Variants in LIMS2 observed in about 807,000 individuals in gnomAD.
The protein encoded by LIMS2 is LIM zinc finger domain containing 2.
Under a neutral mutation model 45.3 loss-of-function variants are expected in LIMS2, and 30 were observed. The ratio of observed to expected loss-of-function variants is 0.66; its 90% CI spans 0.50 to 0.90. The LOEUF (loss-of-function observed/expected upper bound fraction) is 0.90. LIMS2 is among the 40% of genes least tolerant of loss of function. LIMS2 has a pLI of 0.00. For missense variants in LIMS2, 485 were observed against 468.7 expected, an observed-to-expected ratio of 1.03 and a Z score of -0.32; for synonymous variants, 173 against 188.0, an observed-to-expected ratio of 0.92 and a Z score of 0.65.
intron 4 of LIMS2, chr2:127,652,088 C>A: frequency 2.9e-6 from 1 of 342,766 alleles, no homozygotes; most frequent in East Asian, 5.6e-5. Context: ...CTCCTTCCCG[C>A]TACAGAATCG....
At chr2:127,640,606 C>T (rs1286240869) in intron 7 of LIMS2, 1 of 599,056 alleles carries the variant, frequency 1.7e-6, no homozygotes, top group African/African-American at 1.9e-5. Flanking sequence ...CACCAGCGCC[C>T]CCTGCCTTCT....
Position 127,642,183 on chromosome 2 carries a change from C to T in LIMS2, c.526G>A (p.Glu176Lys), listed in dbSNP as rs759040020. Residue 176 changes from glutamate to lysine, a missense_variant, in exon 6 of 10, where the codon GAG becomes AAG. Coordinates refer to ENST00000355119, the MANE Select transcript of LIMS2 (RefSeq NM_001161403.3). The surrounding 1 kb of genome is among the most constrained non-coding windows in gnomAD (Gnocchi z 5.3). ...CTHCGKELTAEARELKGELYC... is the reference protein window; with the variant it reads ...CTHCGKELTAKARELKGELYC... ...AGCTCACCCTTCAGCTCGCGGGCCT[C>T]GGCTGTCAGCTCCTTCCTGGAAGAC... The T allele has an allele frequency of 1.4e-5, 22 of 1,564,096 alleles. No homozygotes were observed. In the East Asian group the frequency reaches 1.6e-4, roughly 12 times the overall value.
intron 1 of LIMS2, among the ~76,000 whole-genome samples, chr2:127,659,118 G>A (rs543962248): frequency 6.6e-6 from 1 of 152,188 alleles, no homozygotes; most frequent in South Asian, 2.1e-4. Flanking sequence ...ACAGGAGGCT[G>A]CTGCGAAATG....
chr2:127,642,034 A>G lies in LIMS2; in HGVS notation c.660+15T>C. ...CCCCCCAACCTGAGGCCACGTGTCC[A>G]CCAGCCTGGCTCACCTCCACGTGCC... On this transcript the variant is annotated intron_variant, in intron 6 of 9. Transcript: ENST00000355119. This position sits in a 1 kb window ranked among gnomAD's most constrained non-coding sequence, Gnocchi z 5.3. 1 of 1,609,540 alleles carries G rather than the reference A, an allele frequency of 6.2e-7. No homozygotes were observed. The highest frequency in any genetic ancestry group is 8.5e-7 in the Non-Finnish European group (1 of 1,178,378).
intron 4 of LIMS2, chr2:127,650,572 G>C: frequency 1.6e-6 from 1 of 625,882 alleles, no homozygotes; most frequent in South Asian, 2.0e-5. Context: ...TGGACAAGGA[G>C]GTCCCCTCAG....
rs11689665 is a variant in LIMS2 at position 127,653,139 on chromosome 2, C to T, written c.359+1285G>A. The stretch of plus-strand genomic sequence containing the variant: ...CCGCCCAGCTCCGAGGACAGTGGGC[C>T]GGACGCCAGGCCCCAGGCCACGTGC... On this transcript the variant is annotated intron_variant, in intron 4 of 9. Coordinates refer to ENST00000355119, the MANE Select transcript of LIMS2 (RefSeq NM_001161403.3). This position sits in a 1 kb window ranked among gnomAD's most constrained non-coding sequence, Gnocchi z 5.3. 0.12 allele frequency among the ~76,000 whole-genome samples: 18,162 copies of T among 152,236 alleles called. 1,208 individuals are homozygous for T. The highest frequency in any genetic ancestry group is 0.22 in the South Asian group (1,051 of 4,816).
chr2:127,663,094 T>C (rs967227605), intron 1 of LIMS2, among the ~76,000 whole-genome samples: 2 of 152,106 alleles, frequency 1.3e-5, no homozygotes, highest in African/African-American at 4.8e-5. Flanking sequence ...GTCATCATCG[T>C]GCCTGTCCTG....
At position 127,671,217 on chromosome 2, in the gene LIMS2, G is replaced by A. The variant is rs902965910; in HGVS notation, c.11+3797C>T. Among the ~76,000 whole-genome samples, 2 of 152,056 alleles carry A rather than the reference G, an allele frequency of 1.3e-5. No homozygotes were observed. Among genetic ancestry groups the A allele is most frequent in the African/African-American group, 4.8e-5 (2 of 41,372 alleles). On this transcript the variant is annotated intron_variant, in intron 1 of 9. Transcript: ENST00000355119. The surrounding 1 kb of genome is among the most constrained non-coding windows in gnomAD (Gnocchi z 4.1). ...GAGGCCAAGGTGGGTGGATCAAGAG[G>A]TCAGAAGATCAAGACCACCATGGCC...
chr2:127,656,110 C>T (rs951033314), intron 2 of LIMS2: 1 of 152,220 alleles, frequency 6.6e-6, no homozygotes, highest in African/African-American at 2.4e-5. Context: ...TAAAGTGGAA[C>T]AAAATAATTA....
intron 4 of LIMS2, among the ~76,000 whole-genome samples, chr2:127,648,971 A>G (rs1347753507): frequency 2.1e-3 from 33 of 15,542 alleles, no homozygotes; most frequent in African/African-American, 2.5e-3. Flanking sequence ...GGAGGGGGGG[A>G]GGGGAGGGAG....
chr2:127,654,444 G>T lies in LIMS2; in HGVS notation c.339C>A (p.Gly113=). The part of the protein sequence containing the change: ...ELCDVELADL[G]FVKNAGRHLC... ...CTCACCTGCCGGCATTCTTCACAAA[G>T]CCCAGGTCAGCCAGCTCCACATCAC... Residue 113 remains glycine, a synonymous_variant, in exon 4 of 10, where the codon GGC becomes GGA. Coordinates refer to ENST00000355119, the MANE Select transcript of LIMS2 (RefSeq NM_001161403.3). 3 of 1,614,124 alleles carry T rather than the reference G, an allele frequency of 1.9e-6. No individual in the cohort carries two copies. The highest frequency in any genetic ancestry group is 1.7e-6 in the Non-Finnish European group (2 of 1,179,992).
At chr2:127,640,659 C>T (rs1386831307) in intron 7 of LIMS2, 1 of 597,702 alleles carries the variant, frequency 1.7e-6, no homozygotes, top group African/African-American at 1.9e-5. Flanking sequence ...CACTGTCAGC[C>T]CCATGTGCCC....
Position 127,640,113 on chromosome 2 carries a change from TCACA to T in LIMS2, c.831_834del (p.Cys277Ter). ...TTGCAGGTGGAGCAGGAGAAGCAGC[TCACA>T]CACCAGGCCTTGTTGAGGGCCGACA... On this transcript the variant is annotated frameshift_variant, in exon 9 of 10. Coordinates refer to ENST00000355119, the MANE Select transcript of LIMS2 (RefSeq NM_001161403.3). LOFTEE classifies it high-confidence loss of function. 6.2e-6 allele frequency: 10 copies of T among 1,613,470 alleles called. No homozygotes were observed. Among genetic ancestry groups the T allele is most frequent in the Non-Finnish European group, 8.5e-6 (10 of 1,179,988 alleles).
intron 9 of LIMS2, 38 bp from the exon 10 acceptor site, chr2:127,639,466 C>T (rs1185411758): frequency 6.2e-7 from 1 of 1,608,954 alleles, no homozygotes; most frequent in Non-Finnish European, 8.5e-7. Context: ...AGCCCCACGC[C>T]CACCCCTTTA....
chr2:127,680,168 C>T (rs759167785), upstream of LIMS2, among the ~76,000 whole-genome samples: 8 of 152,240 alleles, frequency 5.3e-5, no homozygotes, highest in Non-Finnish European at 8.8e-5. Context: ...CGGGGAAGCA[C>T]CTGCACAGCC....
At chr2:127,640,792 C>T in intron 7 of LIMS2, 104 bp downstream of exon 7, 1 of 1,039,520 alleles carries the variant, frequency 9.6e-7, no homozygotes, top group Admixed American at 1.8e-5. Flanking sequence ...GGCTCAGCAC[C>T]TGGCAGAGCT....
At chr2:127,674,871 G>A in intron 1 of LIMS2, 143 bp downstream of exon 1, 1 of 1,211,644 alleles carries the variant, frequency 8.3e-7, no homozygotes, top group African/African-American at 1.6e-5. Context: ...GGGCGCTGCC[G>A]CCCCGGCAGC....
rs368236220 is a variant in LIMS2, at chr2:127,642,212, G to A, written c.510-13C>T. ...TGTCAGCTCCTTCCTGGAAGACAGC[G>A]TGCAGCCCCCAGGTGCCACCCCTGC... On this transcript the variant is annotated splice_polypyrimidine_tract_variant and intron_variant, in intron 5 of 9. Transcript: ENST00000355119. The surrounding 1 kb of genome is among the most constrained non-coding windows in gnomAD (Gnocchi z 5.3). The A allele has an allele frequency of 1.4e-5, 21 of 1,529,714 alleles. No homozygotes were observed. The highest frequency in any genetic ancestry group is 7.5e-5 in the Admixed American group (4 of 53,528). 94.8% of individuals were successfully genotyped at this position (1,529,714 alleles called of 1,614,324 possible). A position where few individuals can be genotyped will look rare whatever the true frequency, so the allele number is the denominator to read the frequency against.
chr2:127,654,923 A>G (rs377566880), intron 2 of LIMS2, 27 bp from the exon 3 acceptor site: 1 of 1,606,934 alleles, frequency 6.2e-7, no homozygotes, highest in Admixed American at 1.7e-5. Flanking sequence ...GAGAGAGGAC[A>G]AGCAAACCAC....
Sources: allele counts gnomAD v4.1 joint callset (sites outside exome capture counted in the v4.1 genomes callset), GRCh38; gene constraint gnomAD v4.1.1; non-coding constraint Gnocchi (gnomAD v3.1); transcripts MANE v1.5; gene names NCBI Gene and HGNC (gene_info 2026-07-23, HGNC 2026-07-21).